PUDP: variants seen among roughly 807,000 people sequenced by gnomAD.
PUDP encodes pseudouridine-5'-phosphatase.
In PUDP, 8 loss-of-function variants were observed where a neutral mutation model predicts 9.4. That is an observed-to-expected ratio of 0.85 (90% confidence interval 0.50 to 1.53). The LOEUF (loss-of-function observed/expected upper bound fraction) is 1.53, where lower values mean the gene tolerates loss of function less well. Among genes scored for constraint, PUDP ranks in the 40% most tolerant of loss-of-function variants. The probability of loss-of-function intolerance (pLI) is 0.00; values close to 1 mark genes in which losing one functional copy is unlikely to be tolerated. For synonymous variants in PUDP, 99 were observed against 80.7 expected, an observed-to-expected ratio of 1.23 and a Z score of -1.22; for missense variants, 188 against 189.7, an observed-to-expected ratio of 0.99 and a Z score of 0.05.
At chrX:7,144,168 C>T (rs1932824768) in intron 1 of PUDP, among the ~76,000 whole-genome samples, 1 of 111,310 alleles carries the variant, frequency 9.0e-6, no homozygotes, top group African/African-American at 3.3e-5. Flanking sequence ...AGAAATGTGC[C>T]AAAACTCTTA....
intron 3 of PUDP, among the ~76,000 whole-genome samples, chrX:6,729,500 G>C (rs1924783514): frequency 8.9e-6 from 1 of 112,232 alleles, no homozygotes; most frequent in Admixed American, 9.4e-5. Flanking sequence ...CCTCAACATT[G>C]ACAAAATAAA....
At chrX:7,089,700 T>C (rs1341101418) in intron 2 of PUDP, among the ~76,000 whole-genome samples, 1 of 112,097 alleles carries the variant, frequency 8.9e-6, no homozygotes, top group African/African-American at 3.2e-5. Context: ...AGAGACAGTT[T>C]GACTGGAGTG....
At chrX:7,143,184 T>C (rs1332241257) in intron 1 of PUDP, among the ~76,000 whole-genome samples, 11 of 110,835 alleles carry the variant, frequency 9.9e-5, no homozygotes, top group Non-Finnish European at 1.7e-4. Context: ...GTTATGTACA[T>C]TTTTTAGACA....
chrX:6,961,218 G>T (rs1318973804), intron 3 of PUDP, among the ~76,000 whole-genome samples: 1 of 109,728 alleles, frequency 9.1e-6, no homozygotes, highest in Non-Finnish European at 1.9e-5. Context: ...TGGGCAACAT[G>T]GTGAAACCCC....
intron 3 of PUDP, among the ~76,000 whole-genome samples, chrX:6,726,692 A>G (rs1924742022): frequency 8.9e-6 from 1 of 111,864 alleles, no homozygotes; most frequent in Admixed American, 9.5e-5. Flanking sequence ...ACACATCTAA[A>G]ACCAGCCAAG....
At chrX:6,833,226 T>C (rs1926530807) in intron 3 of PUDP, among the ~76,000 whole-genome samples, 1 of 112,203 alleles carries the variant, frequency 8.9e-6, no homozygotes. Context: ...TACACATTTA[T>C]TTACAATTAT....
intron 3 of PUDP, among the ~76,000 whole-genome samples, chrX:6,862,258 TAAG>T (rs1207785011): frequency 8.9e-6 from 1 of 111,795 alleles, no homozygotes; most frequent in Admixed American, 9.5e-5. Flanking sequence ...CTACTAAAAA[TAAG>T]AAGGCTGTAA....
At chrX:6,866,550 G>A (rs1271806923) in intron 3 of PUDP, among the ~76,000 whole-genome samples, 3 of 111,230 alleles carry the variant, frequency 2.7e-5, no homozygotes, top group African/African-American at 6.5e-5. Context: ...GCCTGCCAGG[G>A]TGAGAGAGAG....
intron 1 of PUDP, among the ~76,000 whole-genome samples, chrX:6,999,832 C>T (rs1421222065): frequency 1.9e-5 from 2 of 106,035 alleles, no homozygotes; most frequent in African/African-American, 6.8e-5. Flanking sequence ...AAACCCTCAA[C>T]GGTCAAAAAA....
rs370109404 is a variant in PUDP at position 6,832,966 on chromosome X, A to ACT, written c.*248-126502_*248-126501dup. 6.1e-3 allele frequency among the ~76,000 whole-genome samples: 633 copies of ACT among 103,988 alleles called. 5 individuals carry two copies. The highest frequency in any genetic ancestry group is 0.02 in the African/African-American group (591 of 29,009). The allele number at this position is 103,988 out of a possible 115,157, so 90.3% of individuals were successfully genotyped here. A position where few individuals can be genotyped will look rare whatever the true frequency, so the allele number is the denominator to read the frequency against. On this transcript the variant is annotated intron_variant and NMD_transcript_variant, in intron 3 of 3. Transcript: ENST00000655425. ...TCATCTCAGACTGCCTGCTCATGTC[A>ACT]CTCTCTCTCTCTCTCTGACATACAC...
At chrX:6,734,875 G>A (rs765617649) in intron 3 of PUDP, among the ~76,000 whole-genome samples, 1 of 111,922 alleles carries the variant, frequency 8.9e-6, no homozygotes, top group Non-Finnish European at 1.9e-5. Context: ...TTGGATTTAC[G>A]AGAATCAGGT....
At chrX:7,105,881 G>A (rs1457591915) in intron 1 of PUDP, 43 bp from the exon 2 acceptor site, 1 of 926,044 alleles carries the variant, frequency 1.1e-6, no homozygotes. Context: ...CATACTGTAT[G>A]AACAGTAAGT....
At chrX:7,018,514 C>T (rs762708576) in intron 1 of PUDP, among the ~76,000 whole-genome samples, 1 of 111,894 alleles carries the variant, frequency 8.9e-6, no homozygotes, top group East Asian at 2.8e-4. Context: ...AGAAAACCAA[C>T]GGTTGCAAAA....
chrX:6,876,974 C>CACAT (rs1555914399), intron 3 of PUDP, among the ~76,000 whole-genome samples: 10 of 107,374 alleles, frequency 9.3e-5, no homozygotes, highest in Admixed American at 5.9e-4. Context: ...CACACACACA[C>CACAT]ACATAACACT....
intron 2 of PUDP, among the ~76,000 whole-genome samples, chrX:7,098,904 A>G (rs1052962231): frequency 1.8e-5 from 2 of 109,004 alleles, no homozygotes; most frequent in Non-Finnish European, 3.8e-5. Flanking sequence ...TGCAGGGGAG[A>G]GCCGGCCAAG....
intron 1 of PUDP, among the ~76,000 whole-genome samples, chrX:7,012,393 C>T (rs1171106637): frequency 8.9e-6 from 1 of 112,278 alleles, no homozygotes; most frequent in Non-Finnish European, 1.9e-5. Flanking sequence ...AGCCCCTGGA[C>T]ACATGTTCCT....
chrX:7,102,317 C>CAAAAAAAAAAAAAAAAAAAAA (rs201420593), intron 2 of PUDP, among the ~76,000 whole-genome samples: 1 of 56,651 alleles, frequency 1.8e-5, no homozygotes, highest in Non-Finnish European at 3.4e-5. Context: ...AATAAGGAAC[C>CAAAAAAAAAAAAAAAAAAAAA]AAAAAAAAAA....
exon 2 of PUDP, among the ~76,000 whole-genome samples, chrX:6,978,295 T>C (rs1191873800): frequency 9.0e-6 from 1 of 111,461 alleles, no homozygotes; most frequent in African/African-American, 3.3e-5. Context: ...CCATGATGGT[T>C]TTTGTGCTAA....
chrX:6,849,019 C>T (rs936189629), intron 3 of PUDP, among the ~76,000 whole-genome samples: 3 of 112,064 alleles, frequency 2.7e-5, no homozygotes, highest in African/African-American at 9.7e-5. Context: ...AGATCAAGGA[C>T]GTGAAAATGG....
Sources: gnomAD v4.1 joint callset for allele counts (sites outside exome capture counted in the v4.1 genomes callset) on GRCh38, gnomAD v4.1.1 for gene constraint, MANE v1.5 for transcripts, NCBI Gene and HGNC (gene_info 2026-07-23, HGNC 2026-07-21) for gene names.